Variants in DDX4 observed in about 807,000 individuals in gnomAD.
DDX4 encodes the protein DEAD-box helicase 4.
Under a neutral mutation model 100.0 loss-of-function variants are expected in DDX4, and 25 were observed. That is an observed-to-expected ratio of 0.25 (90% CI 0.18 to 0.35). The LOEUF is 0.35. Ranked by LOEUF, DDX4 falls within the 10% of genes least tolerant of loss-of-function variation. The probability of loss-of-function intolerance (pLI) is 1.00; values close to 1 mark genes in which losing one functional copy is unlikely to be tolerated. For missense variants in DDX4, 635 were observed against 882.4 expected (o/e 0.72, Z 3.55); for synonymous variants, 259 against 275.7 (o/e 0.94, Z 0.60).
At chr5:55,789,847 A>C (rs1339217886) in intron 15 of DDX4, among the ~76,000 whole-genome samples, 4 of 152,136 alleles carry the variant, frequency 2.6e-5, no homozygotes, top group Admixed American at 2.0e-4. Context: ...GAAGGAAGGA[A>C]TATATTGAAG....
chr5:55,789,458 A>G (rs905793634), intron 15 of DDX4, among the ~76,000 whole-genome samples: 2 of 152,206 alleles, frequency 1.3e-5, no homozygotes, highest in African/African-American at 4.8e-5. Context: ...GGATCTCTCC[A>G]TAGGGATGCA....
chr5:55,794,109 A>G (rs1396978981), intron 17 of DDX4, among the ~76,000 whole-genome samples: 2 of 152,108 alleles, frequency 1.3e-5, no homozygotes, highest in African/African-American at 2.4e-5. Context: ...GCATTAGGTC[A>G]ATTGGCAGGA....
At chr5:55,744,926 G>A (rs1759173248) in intron 2 of DDX4, among the ~76,000 whole-genome samples, 2 of 152,056 alleles carry the variant, frequency 1.3e-5, no homozygotes, top group African/African-American at 2.4e-5. Flanking sequence ...TGTTGCCCAG[G>A]CTGGAGTGCA....
chr5:55,765,413 A>AAAAAAAAATATATATATAT (rs1392558099), intron 6 of DDX4, among the ~76,000 whole-genome samples: 3 of 83,010 alleles, frequency 3.6e-5, no homozygotes, highest in African/African-American at 1.7e-4. Context: ...AAAAAAAAAA[A>AAAAAAAAATATATATATAT]ATATATATAT....
intron 6 of DDX4, chr5:55,766,805 A>T: frequency 3.5e-6 from 4 of 1,127,950 alleles, no homozygotes; most frequent in Middle Eastern, 2.9e-4. Context: ...AGATCCCTTG[A>T]AACCATCTTT....
At chr5:55,797,039 T>G (rs529738915) in intron 17 of DDX4, among the ~76,000 whole-genome samples, 17 of 152,058 alleles carry the variant, frequency 1.1e-4, no homozygotes, top group South Asian at 2.1e-4. Flanking sequence ...AGATGGGGTT[T>G]CACCATGTTG....
chr5:55,812,323 AG>A lies in DDX4; in HGVS notation c.1616-1348del, dbSNP rs551930068. Among the ~76,000 whole-genome samples, 27 of 152,264 alleles carry A rather than the reference AG, an allele frequency of 1.8e-4. 1 individual carries two copies. The South Asian group carries it at 5.6e-3, about 32-fold the overall frequency. On this transcript the variant is annotated intron_variant, in intron 18 of 21. Transcript: ENST00000505374. The stretch of plus-strand genomic sequence containing the variant: ...ACGCCTGTAATCCCAGCACTTTGGG[AG>A]GCCGAGGCGGGCGGATCACGAGGTT...
intron 18 of DDX4, among the ~76,000 whole-genome samples, chr5:55,806,370 T>C (rs558031868): frequency 6.6e-6 from 1 of 152,340 alleles, no homozygotes; most frequent in East Asian, 1.9e-4. Context: ...CTGCTAGCTT[T>C]TGAATGTGTT....
intron 6 of DDX4, among the ~76,000 whole-genome samples, chr5:55,765,492 G>A (rs1177587857): frequency 6.9e-6 from 1 of 145,864 alleles, no homozygotes; most frequent in Admixed American, 6.9e-5. Context: ...CTGAGCTCAC[G>A]GTAGAAGCTT....
At chr5:55,798,883 C>T (rs1743130465) in intron 18 of DDX4, among the ~76,000 whole-genome samples, 1 of 152,144 alleles carries the variant, frequency 6.6e-6, no homozygotes, top group African/African-American at 2.4e-5. Context: ...ATATTTACAT[C>T]ACACTATTAC....
At chr5:55,746,119 A>G (rs144225002) in intron 2 of DDX4, 45 bp from the exon 3 acceptor site, 1 of 1,440,054 alleles carries the variant, frequency 6.9e-7, no homozygotes, top group African/African-American at 1.4e-5. Flanking sequence ...TGACACGTTC[A>G]TATTCAAAGT....
rs571615694 is a variant in DDX4, at chr5:55,787,466, A to G, written c.1018-380A>G. On this transcript the variant is annotated intron_variant, in intron 14 of 21. Transcript: ENST00000505374. ...GGGCCACTTTTGTCATCCATTCTGA[A>G]TGATAATTTTATGACCTCAAAAGGA... 9.2e-5 allele frequency among the ~76,000 whole-genome samples: 14 copies of G among 152,308 alleles called. No individual in the cohort carries two copies. The South Asian group carries it at 2.7e-3, about 29-fold the overall frequency.
At chr5:55,774,614 T>G (rs1443869681) in intron 7 of DDX4, among the ~76,000 whole-genome samples, 3 of 152,242 alleles carry the variant, frequency 2.0e-5, no homozygotes, top group Non-Finnish European at 4.4e-5. Flanking sequence ...ATGCAGACTT[T>G]TTCCTTTGTT....
At chr5:55,740,243 C>T (rs1022607657) in intron 2 of DDX4, among the ~76,000 whole-genome samples, 3 of 152,108 alleles carry the variant, frequency 2.0e-5, no homozygotes, top group African/African-American at 7.2e-5. Flanking sequence ...AGTGTGGGCT[C>T]ACTGCAGCCT....
chr5:55,764,107 T>G, intron 6 of DDX4, 43 bp downstream of exon 6: 6 of 1,381,586 alleles, frequency 4.3e-6, no homozygotes, highest in Non-Finnish European at 6.2e-6. Context: ...ATGTCAAGAG[T>G]ACATGCTAAA....
At chr5:55,791,800 T>G (rs530613003) in intron 16 of DDX4, among the ~76,000 whole-genome samples, 1 of 152,338 alleles carries the variant, frequency 6.6e-6, no homozygotes, top group African/African-American at 2.4e-5. Flanking sequence ...TACCTTTGGC[T>G]AATGACTAAC....
Position 55,786,605 on chromosome 5 carries a change from A to G in DDX4, c.952A>G (p.Ser318Gly), listed in dbSNP as rs376716574. The G allele has an allele frequency of 1.3e-5, 21 of 1,612,730 alleles. No homozygotes were observed. Among genetic ancestry groups the G allele is most frequent in the Non-Finnish European group, 1.8e-5 (21 of 1,178,856 alleles). The change falls in exon 14 of 22, where the codon AGT becomes GGT. Residue 318 changes from serine to glycine, a missense_variant. Ser to Gly is a moderately conservative substitution (Grantham distance 56, BLOSUM62 0). Transcript: ENST00000505374. ...YTKLTPVQKY[S>G]IPIILAGRDL... ...TAAGCTTACTCCTGTGCAAAAATAC[A>G]GTATTCCTATCATACTTGCAGGACG...
chr5:55,789,018 G>A (rs1018511093), intron 15 of DDX4, among the ~76,000 whole-genome samples: 1 of 152,030 alleles, frequency 6.6e-6, no homozygotes, highest in African/African-American at 2.4e-5. Flanking sequence ...CTGTGATTGC[G>A]CCACTGCATT....
intron 6 of DDX4, among the ~76,000 whole-genome samples, chr5:55,765,365 ACTTT>A (rs377397522): frequency 6.8e-5 from 9 of 132,156 alleles, no homozygotes; most frequent in African/African-American, 2.3e-4. Flanking sequence ...GTTTTGATCT[ACTTT>A]CTTCTTTTTT....
Sources: gnomAD v4.1 joint callset for allele counts (sites outside exome capture counted in the v4.1 genomes callset) on GRCh38, gnomAD v4.1.1 for gene constraint, MANE v1.5 for transcripts, NCBI Gene and HGNC (gene_info 2026-07-23, HGNC 2026-07-21) for gene names.